NRXN3: variants seen among roughly 807,000 people sequenced by gnomAD.
NRXN3 encodes the protein neurexin 3.
A neutral mutation model predicts 137.6 loss-of-function variants in NRXN3; 32 were observed. The ratio of observed to expected loss-of-function variants is 0.23; its 90% confidence interval spans 0.18 to 0.31. NRXN3 has a LOEUF of 0.31. Ranked by LOEUF, NRXN3 falls within the 10% of genes least tolerant of loss-of-function variation. The pLI, the probability that NRXN3 is intolerant of heterozygous loss-of-function variation, is 1.00. For synonymous variants in NRXN3, 798 were observed against 784.5 expected (o/e 1.02, Z -0.29); for missense variants, 1,574 against 2,062.5 (o/e 0.76, Z 4.59).
chr14:79,808,066 G>T (rs959081786), intron 20 of NRXN3, among the ~76,000 whole-genome samples: 1 of 151,488 alleles, frequency 6.6e-6, no homozygotes, highest in Non-Finnish European at 1.5e-5. Context: ...GTGAAACCCC[G>T]TCTCTACTAA....
At chr14:78,265,047 TG>T (rs2071460536) in intron 2 of NRXN3, among the ~76,000 whole-genome samples, 2 of 152,260 alleles carry the variant, frequency 1.3e-5, no homozygotes, top group Admixed American at 1.3e-4. Context: ...TGCAGAAATT[TG>T]GCTACTTGCT....
At chr14:78,598,570 T>A (rs537787222) in intron 4 of NRXN3, among the ~76,000 whole-genome samples, 2 of 152,340 alleles carry the variant, frequency 1.3e-5, no homozygotes, top group African/African-American at 4.8e-5. Flanking sequence ...AGTCACACAT[T>A]TGCTGTGTCA....
chr14:78,778,066 G>A (rs2098750543), intron 8 of NRXN3, among the ~76,000 whole-genome samples: 1 of 152,156 alleles, frequency 6.6e-6, no homozygotes, highest in African/African-American at 2.4e-5. Context: ...CCCAGCTGAG[G>A]TTGAAGGGAT....
At chr14:78,693,621 T>G (rs2152778402) in intron 6 of NRXN3, among the ~76,000 whole-genome samples, 1 of 151,732 alleles carries the variant, frequency 6.6e-6, no homozygotes, top group East Asian at 1.9e-4. Context: ...TGGTCTTATG[T>G]ATGTCATGTT....
At chr14:79,105,812 C>A (rs2052321813) in intron 15 of NRXN3, among the ~76,000 whole-genome samples, 1 of 152,098 alleles carries the variant, frequency 6.6e-6, no homozygotes, top group Non-Finnish European at 1.5e-5. Flanking sequence ...GGCAGGTTCA[C>A]AAGAGTGAAA....
At chr14:79,731,486 A>T (rs2098922458) in intron 19 of NRXN3, among the ~76,000 whole-genome samples, 1 of 152,210 alleles carries the variant, frequency 6.6e-6, no homozygotes, top group Admixed American at 6.5e-5. Flanking sequence ...TTCCTTCCAG[A>T]TATGTTCTTA....
At chr14:79,771,439 G>A (rs965671423) in intron 19 of NRXN3, among the ~76,000 whole-genome samples, 7 of 152,166 alleles carry the variant, frequency 4.6e-5, no homozygotes, top group Non-Finnish European at 8.8e-5. Flanking sequence ...GATCAAGTGG[G>A]CTTCATCCCT....
At chr14:79,793,198 G>A (rs780929772) in intron 19 of NRXN3, among the ~76,000 whole-genome samples, 1 of 151,966 alleles carries the variant, frequency 6.6e-6, no homozygotes, top group Non-Finnish European at 1.5e-5. Flanking sequence ...TTGGGAGGCC[G>A]AGGCGGGCGG....
chr14:78,824,276 C>A (rs911367479), intron 10 of NRXN3, among the ~76,000 whole-genome samples: 2 of 151,972 alleles, frequency 1.3e-5, no homozygotes, highest in African/African-American at 4.8e-5. Flanking sequence ...TCTGGGTACT[C>A]CTTGGCCAAT....
chr14:78,985,808 C>T (rs997611632), intron 14 of NRXN3, among the ~76,000 whole-genome samples: 8 of 152,182 alleles, frequency 5.3e-5, no homozygotes, highest in African/African-American at 1.2e-4. Flanking sequence ...AAGAAGCTGT[C>T]CTGATTTACC....
chr14:78,857,388 A>G (rs1322755580), intron 10 of NRXN3, among the ~76,000 whole-genome samples: 1 of 152,192 alleles, frequency 6.6e-6, no homozygotes, highest in Non-Finnish European at 1.5e-5. Context: ...GCAATCCATT[A>G]CAAGCATGGA....
At chr14:79,737,192 C>A (rs1232723417) in intron 19 of NRXN3, among the ~76,000 whole-genome samples, 7 of 152,182 alleles carry the variant, frequency 4.6e-5, no homozygotes, top group Non-Finnish European at 1.0e-4. Context: ...CATTCCAGAG[C>A]TGGTGGGTCC....
chr14:78,235,217 A>G (rs1340162370), intron 1 of NRXN3, among the ~76,000 whole-genome samples: 2 of 151,910 alleles, frequency 1.3e-5, no homozygotes, highest in African/African-American at 4.8e-5. Flanking sequence ...GTTTTAGCCT[A>G]TCATGATCTC....
intron 19 of NRXN3, among the ~76,000 whole-genome samples, chr14:79,764,010 C>T (rs1252965722): frequency 6.7e-6 from 1 of 148,154 alleles, no homozygotes; most frequent in African/African-American, 2.7e-5. Flanking sequence ...CATTTAGCTA[C>T]ACACAGGGAG....
chr14:78,944,952 C>A (rs547731851), intron 10 of NRXN3, among the ~76,000 whole-genome samples: 1 of 152,250 alleles, frequency 6.6e-6, no homozygotes, highest in South Asian at 2.1e-4. Context: ...ATTTATGTTT[C>A]TTATGAAGTT....
Position 78,913,274 on chromosome 14 carries a change from CT to C in NRXN3, c.2276-43944del, listed in dbSNP as rs1157942892. Reference sequence around the variant, plus strand: ...TCTTTCTTTCTTTCTTTCTTTCTTTCTTTTTTTTTTTTTTTTTTTTTTTTGA... The same window carrying C: ...TCTTTCTTTCTTTCTTTCTTTCTTTCTTTTTTTTTTTTTTTTTTTTTTTGA... On this transcript the variant is annotated intron_variant, in intron 10 of 20. Transcript: ENST00000335750. 3.6e-3 allele frequency among the ~76,000 whole-genome samples: 171 copies of C among 47,856 alleles called. 1 individual carries two copies. The highest frequency in any genetic ancestry group is 0.033 in the Middle Eastern group (2 of 60). The allele number at this position is 47,856 out of a possible 152,430, so 31.4% of individuals were successfully genotyped here.
Position 79,861,244 on chromosome 14 carries a change from C to A in NRXN3, c.4094-98C>A, listed in dbSNP as rs1433048775. The A allele has an allele frequency of 6.5e-7, 1 of 1,535,368 alleles. No homozygotes were observed. The highest frequency in any genetic ancestry group is 2.0e-5 in the Admixed American group (1 of 50,948). ...GCAGCGATGGTTGTGATGATGATGG[C>A]TTGGTGATATCTGGGTATGGCTCAG... On this transcript the variant is annotated intron_variant, in intron 20 of 20. Transcript: ENST00000335750. This position sits in a 1 kb window ranked among gnomAD's most constrained non-coding sequence, Gnocchi z 5.4.
At chr14:78,465,940 C>G (rs543840536) in intron 4 of NRXN3, among the ~76,000 whole-genome samples, 2 of 152,092 alleles carry the variant, frequency 1.3e-5, no homozygotes, top group Non-Finnish European at 2.9e-5. Flanking sequence ...CAAACTCCAC[C>G]TCTTGGGTTC....
intron 10 of NRXN3, among the ~76,000 whole-genome samples, chr14:78,829,002 A>G (rs750023625): frequency 1.1e-4 from 16 of 152,154 alleles, no homozygotes; most frequent in Non-Finnish European, 2.1e-4. Context: ...GATGAGAAGG[A>G]TCTAGTCTTG....
Sources: gnomAD v4.1 joint callset for allele counts (sites outside exome capture counted in the v4.1 genomes callset) on GRCh38, gnomAD v4.1.1 for gene constraint, Gnocchi (gnomAD v3.1) non-coding constraint, MANE v1.5 for transcripts, NCBI Gene and HGNC (gene_info 2026-07-23, HGNC 2026-07-21) for gene names.